PTPRD: variants seen among roughly 807,000 people sequenced by gnomAD.
PTPRD encodes protein tyrosine phosphatase receptor type D.
A neutral mutation model predicts 214.5 loss-of-function variants in PTPRD; 34 were observed. That is an observed-to-expected ratio of 0.16 (90% CI 0.12 to 0.21). The LOEUF is 0.21. PTPRD is among the 10% of genes least tolerant of loss of function. The pLI is 1.00. For synonymous variants in PTPRD, 1,128 were observed against 845.7 expected (o/e 1.33, Z -5.79); for missense variants, 2,545 against 2,398.7 (o/e 1.06, Z -1.27).
chr9:8,848,626 G>C (rs2097755386), intron 11 of PTPRD, among the ~76,000 whole-genome samples: 1 of 149,864 alleles, frequency 6.7e-6, no homozygotes, highest in Non-Finnish European at 1.5e-5. Flanking sequence ...TCTTGAATTT[G>C]AGTCAAGAAA....
rs560935973 is a variant in PTPRD, at chr9:9,146,278, A to G, written c.-143+37026T>C. Among the ~76,000 whole-genome samples, 196 of 152,194 alleles carry G rather than the reference A, an allele frequency of 1.3e-3. 1 individual carries two copies. The highest frequency in any genetic ancestry group is 3.4e-3 in the Middle Eastern group (1 of 294). The stretch of plus-strand genomic sequence containing the variant: ...TTATTTTTTTTTTAAATTTAATTCT[A>G]CTGTCAAGCTCAATTACATATTTGG... On this transcript the variant is annotated intron_variant, in intron 10 of 45. Coordinates refer to ENST00000381196, the MANE Select transcript of PTPRD (RefSeq NM_002839.4).
chr9:10,216,986 C>A (rs949705227), intron 3 of PTPRD, among the ~76,000 whole-genome samples: 1 of 151,904 alleles, frequency 6.6e-6, no homozygotes, highest in African/African-American at 2.4e-5. Context: ...ATGGTTATTT[C>A]CTTTTTATTG....
chr9:8,894,355 C>CAAAAAA lies in PTPRD; in HGVS notation c.-104+124336_-104+124341dup, dbSNP rs34776407. ...GGGCAACAAGAGTGAGACTCCATCT[C>CAAAAAA]AAAAAAAAAAAAAAAAAAAAGTCTG... is the stretch of plus-strand genomic sequence containing the variant. On this transcript the variant is annotated intron_variant, in intron 11 of 45. Transcript: ENST00000381196. Among the ~76,000 whole-genome samples, 29 of 74,442 alleles carry CAAAAAA rather than the reference C, an allele frequency of 3.9e-4. 1 individual carries two copies. The highest frequency in any genetic ancestry group is 5.9e-4 in the Non-Finnish European group (22 of 37,182). The allele number at this position is 74,442 out of a possible 152,430, so 48.8% of individuals were successfully genotyped here.
At position 8,747,232 on chromosome 9, in the gene PTPRD, T is replaced by C. The variant is rs554945378; in HGVS notation, c.-103-13286A>G. On this transcript the variant is annotated intron_variant, in intron 11 of 45. Transcript: ENST00000381196. ...TTAAAAAAATTGAACAGCCACACTT[T>C]AGAAAATGTGCTTACTTCACTAATA... Among the ~76,000 whole-genome samples, 28 of 152,296 alleles carry C rather than the reference T, an allele frequency of 1.8e-4. No individual in the cohort carries two copies. The East Asian group carries it at 5.4e-3, about 29-fold the overall frequency.
chr9:9,736,838 T>G (rs1021648266), intron 6 of PTPRD, among the ~76,000 whole-genome samples: 2 of 152,094 alleles, frequency 1.3e-5, no homozygotes, highest in Non-Finnish European at 2.9e-5. Context: ...ATGCGAGTCC[T>G]TTGTTGGTTA....
chr9:8,459,261 G>C (rs2096307292), intron 33 of PTPRD, among the ~76,000 whole-genome samples: 1 of 152,000 alleles, frequency 6.6e-6, no homozygotes, highest in Non-Finnish European at 1.5e-5. Context: ...TCAAAATGAA[G>C]ATACTCTTTT....
chr9:10,353,418 A>C (rs1437945840), intron 2 of PTPRD, among the ~76,000 whole-genome samples: 1 of 152,006 alleles, frequency 6.6e-6, no homozygotes, highest in Non-Finnish European at 1.5e-5. Context: ...TTCAGTCATC[A>C]ATATTAATTG....
At chr9:9,066,246 T>C (rs1334869176) in intron 10 of PTPRD, among the ~76,000 whole-genome samples, 1 of 150,086 alleles carries the variant, frequency 6.7e-6, no homozygotes, top group African/African-American at 2.5e-5. Context: ...GGATCGGTGT[T>C]ACTTCTTATG....
chr9:10,526,270 T>G (rs1346943019), intron 2 of PTPRD, among the ~76,000 whole-genome samples: 1 of 152,132 alleles, frequency 6.6e-6, no homozygotes, highest in Non-Finnish European at 1.5e-5. Flanking sequence ...GAGAAAATCA[T>G]GTACTCTTTC....
At chr9:9,423,556 T>A (rs896961577) in intron 8 of PTPRD, among the ~76,000 whole-genome samples, 5 of 152,156 alleles carry the variant, frequency 3.3e-5, no homozygotes, top group Non-Finnish European at 7.3e-5. Flanking sequence ...GCCGTGAGAA[T>A]AAGAGACAAC....
At chr9:8,861,603 G>C (rs1399931646) in intron 11 of PTPRD, 1 of 152,118 alleles carries the variant, frequency 6.6e-6, no homozygotes, top group Non-Finnish European at 1.5e-5. Flanking sequence ...TGGCCAAGCT[G>C]ACACAGTGAG....
At chr9:10,400,764 T>C (rs2098256546) in intron 2 of PTPRD, among the ~76,000 whole-genome samples, 1 of 151,674 alleles carries the variant, frequency 6.6e-6, no homozygotes, top group South Asian at 2.1e-4. Context: ...TTTTTACTGA[T>C]ATTATATTTT....
intron 10 of PTPRD, among the ~76,000 whole-genome samples, chr9:9,145,971 C>T (rs773278879): frequency 6.6e-5 from 10 of 152,194 alleles, no homozygotes; most frequent in Admixed American, 1.3e-4. Context: ...TCATGAAGAA[C>T]GGGAAACAAG....
At chr9:9,613,544 C>A (rs1262004791) in intron 7 of PTPRD, among the ~76,000 whole-genome samples, 2 of 152,104 alleles carry the variant, frequency 1.3e-5, no homozygotes, top group Non-Finnish European at 2.9e-5. Context: ...TCTTTTAGAG[C>A]CAAGAAGTTA....
intron 11 of PTPRD, among the ~76,000 whole-genome samples, chr9:8,773,604 T>C (rs2095332020): frequency 6.6e-6 from 1 of 152,160 alleles, no homozygotes; most frequent in African/African-American, 2.4e-5. Flanking sequence ...AATTATCTTT[T>C]CACAACAAAA....
chr9:9,397,708 T>A (rs2068444121), intron 8 of PTPRD, among the ~76,000 whole-genome samples: 1 of 152,050 alleles, frequency 6.6e-6, no homozygotes, highest in Non-Finnish European at 1.5e-5. Context: ...AAAATCTTTT[T>A]TATAGGCATA....
chr9:8,882,182 A>T (rs1188437209), intron 11 of PTPRD, among the ~76,000 whole-genome samples: 2 of 152,140 alleles, frequency 1.3e-5, no homozygotes, highest in Non-Finnish European at 2.9e-5. Context: ...CCAAAGAAAT[A>T]CTGTCGACTC....
At chr9:8,500,080 AAG>A (rs2097361489) in intron 24 of PTPRD, among the ~76,000 whole-genome samples, 5 of 151,860 alleles carry the variant, frequency 3.3e-5, no homozygotes, top group Non-Finnish European at 5.9e-5. Context: ...GGAAGAAAAA[AAG>A]AGTATCAGAG....
intron 11 of PTPRD, among the ~76,000 whole-genome samples, chr9:8,933,450 A>G (rs2098968487): frequency 6.7e-6 from 1 of 148,638 alleles, no homozygotes; most frequent in South Asian, 2.2e-4. Context: ...ATGATTTTAA[A>G]GGGATTGGCT....
Sources: gnomAD v4.1 joint callset for allele counts (sites outside exome capture counted in the v4.1 genomes callset) on GRCh38, gnomAD v4.1.1 for gene constraint, MANE v1.5 for transcripts, NCBI Gene and HGNC (gene_info 2026-07-23, HGNC 2026-07-21) for gene names.